The following HENMT1 variants were observed in gnomAD, a reference collection of about 807,000 sequenced individuals.
The protein encoded by HENMT1 is small RNA 2'-O-methyltransferase.
In HENMT1, 27 loss-of-function variants were observed where a neutral mutation model predicts 31.1. That is an observed-to-expected ratio of 0.87 (90% CI 0.64 to 1.20). HENMT1 has a LOEUF of 1.20. Ranked by LOEUF, HENMT1 falls within the 50% of genes most tolerant of loss-of-function variation. HENMT1 has a pLI of 0.00. For missense variants in HENMT1, 438 were observed against 469.6 expected, an observed-to-expected ratio of 0.93 and a Z score of 0.62; for synonymous variants, 167 against 172.2, an observed-to-expected ratio of 0.97 and a Z score of 0.24.
intron 3 of HENMT1, among the ~76,000 whole-genome samples, chr1:108,657,138 T>A (rs1658268741): frequency 6.6e-6 from 1 of 152,122 alleles, no homozygotes; most frequent in South Asian, 2.1e-4. Context: ...TATTCAAACT[T>A]TACTTCTTCC....
intron 2 of HENMT1, among the ~76,000 whole-genome samples, chr1:108,659,652 CTT>C (rs1054304456): frequency 2.0e-5 from 3 of 152,196 alleles, no homozygotes; most frequent in African/African-American, 7.2e-5. Context: ...GATTTTGCTA[CTT>C]TAACACCTAG....
In HENMT1 at chr1:108,648,725, T is replaced by C. The variant is rs1388730988; in HGVS notation, c.1023A>G (p.Val341=). 1 of 1,614,138 alleles carries C rather than the reference T, an allele frequency of 6.2e-7. No individual in the cohort carries two copies. The highest frequency in any genetic ancestry group is 8.5e-7 in the Non-Finnish European group (1 of 1,180,028). Residue 341 remains valine, a synonymous_variant, in exon 8 of 8, where the codon GTA becomes GTG. Coordinates refer to ENST00000651461, the MANE Select transcript of HENMT1 (RefSeq NM_001102592.2). ...GATACGCAAGGAGTCTCTGCAGAGG[T>C]ACGAAAAATTTATCTCCAACACAGA... ...TPFCVGDKFF[V]PLQRLLAYPK... is the part of the protein sequence containing the mutation.
At chr1:108,654,221 C>G (rs1043852025) in intron 5 of HENMT1, among the ~76,000 whole-genome samples, 7 of 152,120 alleles carry the variant, frequency 4.6e-5, no homozygotes, top group African/African-American at 1.4e-4. Context: ...TGGGTTCTCT[C>G]TATTCTGTTC....
At chr1:108,658,194 C>T (rs909207767) in intron 2 of HENMT1, among the ~76,000 whole-genome samples, 1 of 151,702 alleles carries the variant, frequency 6.6e-6, no homozygotes, top group Admixed American at 6.6e-5. Flanking sequence ...TGCAGTGGCG[C>T]GATCTCAGCT....
At chr1:108,649,578 T>C (rs901664455) in intron 7 of HENMT1, 7 of 352,760 alleles carry the variant, frequency 2.0e-5, no homozygotes, top group Non-Finnish European at 3.3e-5. Flanking sequence ...ATTGTGCCGG[T>C]GCACTCCAGC....
Position 108,655,609 on chromosome 1 carries a change from A to G in HENMT1, c.240T>C (p.Asn80=). Residue 80 remains asparagine (N), a synonymous_variant, in exon 4 of 8, where the codon AAT becomes AAC. Transcript: ENST00000651461. ...CIELLVGVDI[N]EDKLRWRGDS... Reference sequence around the variant, plus strand: ...ACCCTCTCCATCGTAATTTATCCTCATTAATATCTACTCCAACAAGCAATT... The same window carrying G: ...ACCCTCTCCATCGTAATTTATCCTCGTTAATATCTACTCCAACAAGCAATT... 6.2e-7 allele frequency: 1 copy of G among 1,607,296 alleles called. No homozygotes were observed. Among genetic ancestry groups the G allele is most frequent in the Non-Finnish European group, 8.5e-7 (1 of 1,175,312 alleles).
Position 108,648,849 on chromosome 1 carries a change from T to C in HENMT1, c.899A>G (p.Lys300Arg), listed in dbSNP as rs781773487. Residue 300 changes from lysine (K) to arginine (R), a missense_variant, in exon 8 of 8, where the codon AAG becomes AGG. Transcript: ENST00000651461. Reference sequence around the variant, plus strand: ...CTTTGAGCCACCAATGTCTTTGGGCTTATCACCCCGTTCCCCAGCCTGTTC... The same window carrying C: ...CTTTGAGCCACCAATGTCTTTGGGCCTATCACCCCGTTCCCCAGCCTGTTC... Reference protein sequence around the residue: ...RKEQAGERGDKPKDIGGSKAP... With the variant: ...RKEQAGERGDRPKDIGGSKAP... 1.9e-6 allele frequency: 3 copies of C among 1,614,204 alleles called. No individual in the cohort carries two copies. The highest frequency in any genetic ancestry group is 2.5e-6 in the Non-Finnish European group (3 of 1,180,032).
At chr1:108,656,204 G>A (rs923137606) in intron 3 of HENMT1, among the ~76,000 whole-genome samples, 3 of 152,114 alleles carry the variant, frequency 2.0e-5, no homozygotes, top group African/African-American at 4.8e-5. Context: ...TGCTTTACCT[G>A]AATACACATG....
chr1:108,651,362 G>C (rs1045773256), intron 5 of HENMT1, 153 bp from the exon 6 acceptor site: 2 of 673,744 alleles, frequency 3.0e-6, no homozygotes, highest in Admixed American at 5.9e-5. Context: ...ACAATTATTC[G>C]GGCCAGGCAC....
chr1:108,655,559 A>G, intron 4 of HENMT1, 27 bp downstream of exon 4: 1 of 1,302,564 alleles, frequency 7.7e-7, no homozygotes, highest in Non-Finnish European at 1.1e-6. Context: ...AGATTAACGC[A>G]TAATTCTTTC....
rs751461387 is a variant in HENMT1 at position 108,654,743 on chromosome 1, C to T, written c.371G>A (p.Gly124Glu). Residue 124 changes from glycine (G) to glutamate (E), a missense_variant, in exon 5 of 8, where the codon GGA becomes GAA. Gly to Glu is a moderately conservative substitution (Grantham distance 98, BLOSUM62 -2). Transcript: ENST00000651461. Reference sequence around the variant, plus strand: ...TTCAATACACGTTATCAAGTCAAATCCAAGCAAACGAGAGTCTCTCTCCAC... The same window carrying T: ...TTCAATACACGTTATCAAGTCAAATTCAAGCAAACGAGAGTCTCTCTCCAC... ...SVVERDSRLL[G>E]FDLITCIELI... 3.1e-6 allele frequency: 5 copies of T among 1,614,052 alleles called. No homozygotes were observed. The highest frequency in any genetic ancestry group is 4.2e-6 in the Non-Finnish European group (5 of 1,179,964).
At chr1:108,649,506 C>G in intron 7 of HENMT1, 2 of 388,310 alleles carry the variant, frequency 5.2e-6, no homozygotes, top group Non-Finnish European at 1.0e-5. Context: ...GTCCTAGCTA[C>G]TTAGGAGGCT....
At chr1:108,658,135 T>C (rs189558043) in intron 2 of HENMT1, among the ~76,000 whole-genome samples, 1 of 135,072 alleles carries the variant, frequency 7.4e-6, no homozygotes, top group Non-Finnish European at 1.7e-5. Flanking sequence ...ATATATATAT[T>C]TTTTTTTTCC....
rs1343770779 is a variant in HENMT1 at position 108,658,026 on chromosome 1, TACACACACACACATATATATAC to T, written c.22-469_22-448del. 6.0e-3 allele frequency among the ~76,000 whole-genome samples: 808 copies of T among 133,842 alleles called. 13 individuals are homozygous for T. The highest frequency in any genetic ancestry group is 0.023 in the African/African-American group (772 of 33,434). The allele number at this position is 133,842 out of a possible 152,430, so 87.8% of individuals were successfully genotyped here. The stretch of plus-strand genomic sequence containing the variant: ...ACACACACATATATGTACACACACT[TACACACACACACATATATATAC>T]ACACACACACACATATATATGTACA... On this transcript the variant is annotated intron_variant, in intron 2 of 7. Transcript: ENST00000651461.
intron 1 of HENMT1, 52 bp downstream of exon 1, chr1:108,660,911 G>A (rs565256802): frequency 4.8e-5 from 42 of 873,084 alleles, no homozygotes; most frequent in Non-Finnish European, 5.8e-5. Context: ...GCGACAGAGC[G>A]AGACTCCGTC....
At chr1:108,659,555 A>G (rs1658375038) in intron 2 of HENMT1, among the ~76,000 whole-genome samples, 1 of 152,200 alleles carries the variant, frequency 6.6e-6, no homozygotes, top group East Asian at 1.9e-4. Context: ...AGACCTCCTT[A>G]AACAGAATCT....
intron 5 of HENMT1, among the ~76,000 whole-genome samples, chr1:108,651,696 AAGAG>A (rs1032749189): frequency 9.9e-5 from 15 of 151,038 alleles, no homozygotes; most frequent in South Asian, 2.1e-4. Context: ...AAAGAAAAGA[AAGAG>A]AGAGAGACAG....
intron 5 of HENMT1, among the ~76,000 whole-genome samples, chr1:108,653,019 T>G (rs1236130893): frequency 6.6e-6 from 1 of 151,692 alleles, no homozygotes; most frequent in African/African-American, 2.4e-5. Flanking sequence ...TATTCCATTG[T>G]GCATATACAT....
At chr1:108,658,666 A>G (rs1196966838) in intron 2 of HENMT1, among the ~76,000 whole-genome samples, 1 of 152,202 alleles carries the variant, frequency 6.6e-6, no homozygotes, top group East Asian at 1.9e-4. Flanking sequence ...TGGGCTGCCT[A>G]GCCCAGTTTT....
Sources: gnomAD v4.1 joint callset for allele counts (sites outside exome capture counted in the v4.1 genomes callset) on GRCh38, gnomAD v4.1.1 for gene constraint, MANE v1.5 for transcripts, NCBI Gene and HGNC (gene_info 2026-07-23, HGNC 2026-07-21) for gene names.